DNAH6: variants seen among roughly 807,000 people sequenced by gnomAD.
DNAH6 encodes dynein axonemal heavy chain 6.
Under a neutral mutation model 491.4 loss-of-function variants are expected in DNAH6, and 340 were observed. The ratio of observed to expected loss-of-function variants is 0.69; its 90% CI spans 0.63 to 0.76. The LOEUF (loss-of-function observed/expected upper bound fraction) is 0.76, where lower values mean the gene tolerates loss of function less well. DNAH6 is among the 30% of genes least tolerant of loss of function. The probability of loss-of-function intolerance (pLI) is 0.00; values close to 1 mark genes in which losing one functional copy is unlikely to be tolerated. For missense variants in DNAH6, 4,443 were observed against 4,972.2 expected, an observed-to-expected ratio of 0.89 and a Z score of 3.20; for synonymous variants, 1,603 against 1,686.1, an observed-to-expected ratio of 0.95 and a Z score of 1.21.
chr2:84,632,523 T>C (rs1323332644), intron 29 of DNAH6, among the ~76,000 whole-genome samples: 1 of 152,232 alleles, frequency 6.6e-6, no homozygotes, highest in Non-Finnish European at 1.5e-5. Context: ...TGGAATTTTC[T>C]TTGTTACTTC....
At chr2:84,702,530 C>T (rs1696013650) in intron 49 of DNAH6, among the ~76,000 whole-genome samples, 1 of 150,078 alleles carries the variant, frequency 6.7e-6, no homozygotes, top group South Asian at 2.1e-4. Flanking sequence ...GAAATCTGCC[C>T]ATTTGAACCA....
chr2:84,805,270 A>G (rs1679314347), intron 70 of DNAH6, among the ~76,000 whole-genome samples: 1 of 152,228 alleles, frequency 6.6e-6, no homozygotes, highest in Non-Finnish European at 1.5e-5. Flanking sequence ...TAAGCCAGTC[A>G]CAAAAAGACA....
intron 57 of DNAH6, 45 bp downstream of exon 57, chr2:84,713,304 T>C (rs1558947946): frequency 1.3e-6 from 2 of 1,527,728 alleles, no homozygotes; most frequent in Non-Finnish European, 1.8e-6. Context: ...TGGATTATCA[T>C]GGTGTAATGA....
At chr2:84,672,263 C>T (rs993021275) in intron 39 of DNAH6, 64 bp from the exon 40 acceptor site, 6 of 1,486,838 alleles carry the variant, frequency 4.0e-6, no homozygotes, top group Middle Eastern at 1.7e-4. Context: ...CATACCCTAG[C>T]TTTGTCTTAC....
intron 64 of DNAH6, among the ~76,000 whole-genome samples, chr2:84,763,636 A>G (rs2105140307): frequency 6.6e-6 from 1 of 151,760 alleles, no homozygotes; most frequent in Non-Finnish European, 1.5e-5. Context: ...ACGTGGAATT[A>G]AGGATGGATT....
At chr2:84,776,060 T>A (rs1320433919) in intron 64 of DNAH6, among the ~76,000 whole-genome samples, 2 of 152,336 alleles carry the variant, frequency 1.3e-5, no homozygotes, top group East Asian at 3.9e-4. Flanking sequence ...TATATGTAGA[T>A]CTTTTCACAT....
chr2:84,508,709 T>C, the DNAH6 span, among the ~76,000 whole-genome samples: 13 of 152,364 alleles, frequency 8.5e-5, no homozygotes, highest in South Asian at 2.5e-3. Flanking sequence ...CATTTAGTGC[T>C]ATAAATTTCC....
In DNAH6 at chr2:84,685,561, T is replaced by C. The variant is rs115086442; in HGVS notation, c.7063+89T>C. On this transcript the variant is annotated intron_variant, in intron 43 of 76. Coordinates refer to ENST00000389394, the MANE Select transcript of DNAH6 (RefSeq NM_001370.2). Reference sequence around the variant, plus strand: ...AAGAACAATTAACACAAAAAGAATTTTCATAATTTATGAGTAAAAGTTATT... The same window carrying C: ...AAGAACAATTAACACAAAAAGAATTCTCATAATTTATGAGTAAAAGTTATT... The C allele has an allele frequency of 3.9e-3, 3,041 of 786,970 alleles. 64 individuals are homozygous for C. The African/African-American group carries it at 0.048, about 12-fold the overall frequency. The allele number at this position is 786,970 out of a possible 1,614,324, so 48.7% of individuals were successfully genotyped here. A position where few individuals can be genotyped will look rare whatever the true frequency, so the allele number is the denominator to read the frequency against.
intron 31 of DNAH6, among the ~76,000 whole-genome samples, chr2:84,638,283 T>C (rs150219030): frequency 1.2e-4 from 18 of 152,098 alleles, no homozygotes; most frequent in African/African-American, 4.3e-4. Context: ...TAGTTGGGAC[T>C]ACAGGTACAT....
At chr2:84,656,472 T>A (rs1453545120) in intron 35 of DNAH6, among the ~76,000 whole-genome samples, 1 of 152,124 alleles carries the variant, frequency 6.6e-6, no homozygotes, top group Non-Finnish European at 1.5e-5. Flanking sequence ...GTGTTTTGGA[T>A]TTTATGCATT....
rs1686838041 is a variant in DNAH6 at position 84,616,185 on chromosome 2, A to G, written c.3476-701A>G. On this transcript the variant is annotated intron_variant, in intron 22 of 76. Transcript: ENST00000389394. ...ATTTGTTGGATAGAATGTTCTGTAAATATCTGTTGAGTCCATTTGTTCTAG... is the reference window on the plus strand; with the variant it reads ...ATTTGTTGGATAGAATGTTCTGTAAGTATCTGTTGAGTCCATTTGTTCTAG... 4.6e-5 allele frequency among the ~76,000 whole-genome samples: 7 copies of G among 152,188 alleles called. 1 individual carries two copies. The South Asian group carries it at 1.5e-3, about 32-fold the overall frequency.
At chr2:84,587,891 G>T (rs770969600) in intron 15 of DNAH6, among the ~76,000 whole-genome samples, 22 of 152,306 alleles carry the variant, frequency 1.4e-4, no homozygotes, top group Non-Finnish European at 3.1e-4. Flanking sequence ...GGCTGCACCT[G>T]GTTGTCCCAG....
chr2:84,684,551 A>G (rs1362861981), intron 42 of DNAH6, among the ~76,000 whole-genome samples: 1 of 152,234 alleles, frequency 6.6e-6, no homozygotes, highest in Non-Finnish European at 1.5e-5. Flanking sequence ...CACAAACACC[A>G]ATGTGAGATG....
intron 10 of DNAH6, 74 bp downstream of exon 10, chr2:84,553,108 G>T (rs998676071): frequency 3.5e-6 from 3 of 853,784 alleles, no homozygotes; most frequent in African/African-American, 1.7e-5. Context: ...GCTGTCAATT[G>T]GTTGTCAGAA....
Position 84,672,503 on chromosome 2 carries a change from T to C in DNAH6, c.6612+19T>C. 3 of 1,539,558 alleles carry C rather than the reference T, an allele frequency of 1.9e-6. No individual in the cohort carries two copies. Among genetic ancestry groups the C allele is most frequent in the Non-Finnish European group, 2.6e-6 (3 of 1,139,826 alleles). ...AATACAGGTTACTTTAGCTTTTAAA[T>C]TACTTGGTGTGCTTAAATTTAAATG... On this transcript the variant is annotated intron_variant, in intron 40 of 76. Transcript: ENST00000389394.
intron 70 of DNAH6, among the ~76,000 whole-genome samples, chr2:84,803,284 C>T (rs1298934098): frequency 6.6e-6 from 1 of 151,862 alleles, no homozygotes; most frequent in Non-Finnish European, 1.5e-5. Flanking sequence ...AACAATAGAC[C>T]CTGGGGACTC....
Position 84,672,311 on chromosome 2 carries a change from CAT to C in DNAH6, c.6455-15_6455-14del. Reference sequence around the variant, plus strand: ...AAAATCATAATTCTTAAATTAAATTCATTTTATTTCCCTAGGAGCACCGGGAA... The same window carrying C: ...AAAATCATAATTCTTAAATTAAATTCTTTATTTCCCTAGGAGCACCGGGAA... On this transcript the variant is annotated splice_polypyrimidine_tract_variant and intron_variant, in intron 39 of 76. Coordinates refer to ENST00000389394, the MANE Select transcript of DNAH6 (RefSeq NM_001370.2). The C allele has an allele frequency of 6.5e-7, 1 of 1,536,722 alleles. No individual in the cohort carries two copies. Among genetic ancestry groups the C allele is most frequent in the Non-Finnish European group, 8.8e-7 (1 of 1,140,854 alleles).
intron 64 of DNAH6, among the ~76,000 whole-genome samples, chr2:84,778,799 C>A (rs187001561): frequency 6.6e-6 from 1 of 152,196 alleles, no homozygotes; most frequent in Non-Finnish European, 1.5e-5. Context: ...ACACTGTAAA[C>A]TTTTAACACT....
chr2:84,531,032 G>A (rs1001930635), intron 4 of DNAH6, among the ~76,000 whole-genome samples: 2 of 152,130 alleles, frequency 1.3e-5, no homozygotes, highest in African/African-American at 4.8e-5. Flanking sequence ...GAAGACACGA[G>A]ACATCAATTA....
Sources: allele counts gnomAD v4.1 joint callset (sites outside exome capture counted in the v4.1 genomes callset), GRCh38; gene constraint gnomAD v4.1.1; transcripts MANE v1.5; gene names NCBI Gene and HGNC (gene_info 2026-07-23, HGNC 2026-07-21).